The following GPR158 variants were observed in gnomAD, a reference collection of about 807,000 sequenced individuals.
GPR158 encodes G protein-coupled receptor 158.
GPR158 carries 30 observed loss-of-function variants against 78.2 expected under a neutral mutation model. The observed-to-expected ratio is 0.38, with a 90% CI of 0.29 to 0.52. GPR158 has a LOEUF of 0.52. Ranked by LOEUF, GPR158 falls within the 20% of genes least tolerant of loss-of-function variation. The pLI is 0.83. For missense variants in GPR158, 1,463 were observed against 1,523.5 expected (o/e 0.96, Z 0.66); for synonymous variants, 581 against 591.1 (o/e 0.98, Z 0.25).
At chr10:25,247,608 TTCCAATTTCATCCATGTCCCTACA>T in intron 2 of GPR158, among the ~76,000 whole-genome samples, 1 of 140,728 alleles carries the variant, frequency 7.1e-6, no homozygotes, top group Non-Finnish European at 1.5e-5. Flanking sequence ...GAATGATGAT[TTCCAATTTCATCCATGTCCCTACA>T]AAGGACATGA....
At chr10:25,531,377 A>G (rs1836420239) in intron 5 of GPR158, among the ~76,000 whole-genome samples, 1 of 152,230 alleles carries the variant, frequency 6.6e-6, no homozygotes, top group Admixed American at 6.5e-5. Flanking sequence ...GATAATGACC[A>G]TGTGTTAAGC....
chr10:25,561,148 T>A (rs553862115), intron 6 of GPR158, among the ~76,000 whole-genome samples: 2 of 152,318 alleles, frequency 1.3e-5, no homozygotes, highest in South Asian at 4.1e-4. Context: ...GTAAAATTGC[T>A]CATTTAAGTA....
rs577228901 is a variant in GPR158 at position 25,444,554 on chromosome 10, A to G, written c.1336-22097A>G. Among the ~76,000 whole-genome samples the G allele has an allele frequency of 1.2e-4, 18 of 147,328 alleles. No homozygotes were observed. The South Asian group carries it at 3.7e-3, about 30-fold the overall frequency. ...GGAAGTGTGTGTGTGGTGTGTGTGG[A>G]GGTATGTGCATTTGTGTGGAGGAGT... is the stretch of plus-strand genomic sequence containing the variant. On this transcript the variant is annotated intron_variant, in intron 4 of 10. Transcript: ENST00000376351.
At chr10:25,191,869 G>T (rs937333922) in intron 1 of GPR158, among the ~76,000 whole-genome samples, 5 of 152,068 alleles carry the variant, frequency 3.3e-5, no homozygotes, top group African/African-American at 9.7e-5. Context: ...TTTTTTTGGG[G>T]TTTTTTGTTT....
intron 2 of GPR158, among the ~76,000 whole-genome samples, chr10:25,279,852 G>A (rs986226624): frequency 2.0e-5 from 3 of 151,920 alleles, no homozygotes; most frequent in Admixed American, 2.0e-4. Context: ...TCCAACACAG[G>A]ATTTGAGTCC....
chr10:25,522,313 A>G (rs549341730), intron 5 of GPR158, among the ~76,000 whole-genome samples: 3 of 152,220 alleles, frequency 2.0e-5, no homozygotes, highest in Non-Finnish European at 4.4e-5. Flanking sequence ...TGGCATGGTC[A>G]GGGAATGTAA....
chr10:25,430,589 TCA>T (rs1290219100), intron 4 of GPR158, among the ~76,000 whole-genome samples: 1 of 151,140 alleles, frequency 6.6e-6, no homozygotes, highest in Non-Finnish European at 1.5e-5. Context: ...GCTGGAGGCA[TCA>T]TGCTACCTAA....
At chr10:25,446,277 A>C (rs892079771) in intron 4 of GPR158, among the ~76,000 whole-genome samples, 1 of 152,146 alleles carries the variant, frequency 6.6e-6, no homozygotes, top group Non-Finnish European at 1.5e-5. Flanking sequence ...TAAAATAAGT[A>C]CTCAGTTCTA....
At chr10:25,255,991 T>C (rs568878340) in intron 2 of GPR158, among the ~76,000 whole-genome samples, 16 of 152,332 alleles carry the variant, frequency 1.1e-4, no homozygotes, top group African/African-American at 3.6e-4. Context: ...GCATATGCCA[T>C]ATCTTTTCAG....
chr10:25,194,060 G>A (rs561581072), intron 1 of GPR158, among the ~76,000 whole-genome samples: 1 of 152,100 alleles, frequency 6.6e-6, no homozygotes, highest in Non-Finnish European at 1.5e-5. Context: ...TTTTCCTCAC[G>A]AGCCCACCTG....
intron 2 of GPR158, among the ~76,000 whole-genome samples, chr10:25,346,789 CA>C (rs1453678601): frequency 3.9e-5 from 6 of 151,926 alleles, no homozygotes; most frequent in Non-Finnish European, 7.4e-5. Flanking sequence ...GTTACTTCAA[CA>C]ATTGATGAAA....
chr10:25,243,504 A>G (rs533384173), intron 2 of GPR158, among the ~76,000 whole-genome samples: 4 of 152,344 alleles, frequency 2.6e-5, no homozygotes, highest in African/African-American at 7.2e-5. Context: ...TATTAAAGTT[A>G]GTTGAATGCC....
chr10:25,331,891 T>C (rs1209579884), intron 2 of GPR158, among the ~76,000 whole-genome samples: 1 of 152,184 alleles, frequency 6.6e-6, no homozygotes, highest in Non-Finnish European at 1.5e-5. Context: ...TGGTAATGAA[T>C]TGATAATTTT....
intron 2 of GPR158, among the ~76,000 whole-genome samples, chr10:25,361,075 A>G (rs1051037350): frequency 1.3e-5 from 2 of 151,976 alleles, no homozygotes; most frequent in East Asian, 3.9e-4. Flanking sequence ...CCATTCAACA[A>G]CAACTCTCTT....
intron 2 of GPR158, among the ~76,000 whole-genome samples, chr10:25,379,151 T>G (rs577758246): frequency 1.9e-4 from 29 of 152,306 alleles, no homozygotes; most frequent in Admixed American, 1.9e-3. Context: ...GAGACATTAT[T>G]ATTACTATTA....
At chr10:25,304,265 AG>A (rs1854636594) in intron 2 of GPR158, among the ~76,000 whole-genome samples, 2 of 152,092 alleles carry the variant, frequency 1.3e-5, no homozygotes, top group African/African-American at 4.8e-5. Context: ...ACTGTCTGAT[AG>A]TATTATTTGC....
At chr10:25,388,505 G>A (rs774945226) in intron 2 of GPR158, among the ~76,000 whole-genome samples, 7 of 152,246 alleles carry the variant, frequency 4.6e-5, no homozygotes, top group Non-Finnish European at 1.0e-4. Context: ...GCTGGCCCCA[G>A]GAACATTGGA....
At chr10:25,206,741 G>A (rs1291127625) in intron 1 of GPR158, among the ~76,000 whole-genome samples, 1 of 151,810 alleles carries the variant, frequency 6.6e-6, no homozygotes. Flanking sequence ...TGTATTCAAG[G>A]TTTACTAGAC....
rs541334786 is a variant in GPR158, at chr10:25,497,681, C to A, written c.1404+30962C>A. 3.1e-4 allele frequency among the ~76,000 whole-genome samples: 47 copies of A among 151,986 alleles called. 1 individual carries two copies. The South Asian group carries it at 9.0e-3, about 29-fold the overall frequency. On this transcript the variant is annotated intron_variant, in intron 5 of 10. Coordinates refer to ENST00000376351, the MANE Select transcript of GPR158 (RefSeq NM_020752.3). Reference sequence around the variant, plus strand: ...TTAAGCAAATACTATATGCTGTGTGCTTAGCAAGGTGAATAAAATGGTGAA... The same window carrying A: ...TTAAGCAAATACTATATGCTGTGTGATTAGCAAGGTGAATAAAATGGTGAA...
Sources: gnomAD v4.1 joint callset for allele counts (sites outside exome capture counted in the v4.1 genomes callset) on GRCh38, gnomAD v4.1.1 for gene constraint, MANE v1.5 for transcripts, NCBI Gene and HGNC (gene_info 2026-07-23, HGNC 2026-07-21) for gene names.